Variants in RBM43 observed in about 807,000 individuals in gnomAD.
The protein encoded by RBM43 is RNA-binding protein 43.
A neutral mutation model predicts 12.4 loss-of-function variants in RBM43; 12 were observed. That is an observed-to-expected ratio of 0.97 (90% CI 0.62 to 1.57). RBM43 has a LOEUF of 1.57. Ranked by LOEUF, RBM43 falls within the 40% of genes most tolerant of loss-of-function variation. RBM43 has a pLI of 0.00. For missense variants in RBM43, 348 were observed against 400.1 expected (o/e 0.87, Z 1.11); for synonymous variants, 138 against 145.7 (o/e 0.95, Z 0.38).
chr2:151,259,638 C>CA (rs1309161560), intron 1 of RBM43, among the ~76,000 whole-genome samples: 2 of 148,260 alleles, frequency 1.3e-5, no homozygotes, highest in Admixed American at 6.7e-5. Flanking sequence ...GACTCTGTCT[C>CA]AAAAAAAATA....
In RBM43 at chr2:151,255,710, G is replaced by A; in HGVS notation, c.37C>T (p.Pro13Ser). The change falls in exon 2 of 4, where the codon CCT (proline) becomes TCT (serine). Residue 13 changes from proline (P) to serine (S), a missense_variant. Pro to Ser is a moderately conservative substitution (Grantham distance 74, BLOSUM62 -1). Transcript: ENST00000331426. ...CCAGCAACTACAACCGTTCTTTCAG[G>A]AGCTTTGGATTCCTTGACATTCAAA... The part of the protein sequence containing the change: ...SVLNVKESKA[P>S]ERTVVVAGLP... The A allele has an allele frequency of 6.2e-7, 1 of 1,613,816 alleles. No homozygotes were observed. Among genetic ancestry groups the A allele is most frequent in the East Asian group, 2.2e-5 (1 of 44,854 alleles).
chr2:151,251,707 G>T (rs1421598573), intron 3 of RBM43, 43 bp from the exon 4 acceptor site: 3 of 1,535,076 alleles, frequency 2.0e-6, no homozygotes, highest in Non-Finnish European at 2.6e-6. Flanking sequence ...CTGCCTAGTG[G>T]GAAAGACTAC....
At chr2:151,259,467 GAAACGCCATCTCTACTA>G (rs1374914398) in intron 1 of RBM43, among the ~76,000 whole-genome samples, 1 of 151,990 alleles carries the variant, frequency 6.6e-6, no homozygotes, top group African/African-American at 2.4e-5. Flanking sequence ...CCAACATAGT[GAAACGCCATCTCTACTA>G]AAAATACAAA....
chr2:151,255,203 T>C (rs1295332550), intron 2 of RBM43, among the ~76,000 whole-genome samples: 1 of 152,102 alleles, frequency 6.6e-6, no homozygotes, highest in Non-Finnish European at 1.5e-5. Flanking sequence ...TCACTTGAGG[T>C]CAGGAGTTCG....
intron 1 of RBM43, 46 bp from the exon 2 acceptor site, chr2:151,255,789 T>A: frequency 7.6e-7 from 1 of 1,314,604 alleles, no homozygotes; most frequent in Non-Finnish European, 1.1e-6. Context: ...CAAGACTCTA[T>A]ATAATAAAGA....
intron 1 of RBM43, among the ~76,000 whole-genome samples, chr2:151,259,461 C>T (rs1307784136): frequency 6.6e-6 from 1 of 151,984 alleles, no homozygotes; most frequent in Non-Finnish European, 1.5e-5. Flanking sequence ...GCCTGGCCAA[C>T]ATAGTGAAAC....
Position 151,248,914 on chromosome 2 carries a change from C to T in RBM43, c.*1992G>A, listed in dbSNP as rs190277488. The stretch of plus-strand genomic sequence containing the variant: ...CAAAGAAAGGGAAAAATTCCCTCAT[C>T]CAAGCCTCAAGGTCCAAACCTCGCA... On this transcript the variant is annotated 3_prime_UTR_variant, in exon 4 of 4. Transcript: ENST00000331426. 19 of 152,304 alleles carry T rather than the reference C, an allele frequency of 1.2e-4. No individual in the cohort carries two copies. The highest frequency in any genetic ancestry group is 1.2e-3 in the Admixed American group (18 of 15,300). The allele number at this position is 152,304 out of a possible 1,614,324, so 9.4% of individuals were successfully genotyped here.
rs747184897 is a variant in RBM43 at position 151,261,353 on chromosome 2, T to TA, written c.3+371dup. ...CCCCGAGGCGTGGGAGGACAACAGT[T>TA]AAGCCCTAACAGCCTGCGAAGCAGC... is the stretch of plus-strand genomic sequence containing the variant. On this transcript the variant is annotated intron_variant, in intron 1 of 3. Transcript: ENST00000331426. 4.1e-5 allele frequency: 63 copies of TA among 1,550,602 alleles called. No individual in the cohort carries two copies. The South Asian group carries it at 6.9e-4, about 17-fold the overall frequency.
At chr2:151,255,156 T>G (rs757889802) in intron 2 of RBM43, among the ~76,000 whole-genome samples, 3 of 152,230 alleles carry the variant, frequency 2.0e-5, no homozygotes, top group Admixed American at 6.5e-5. Context: ...GGCTCATGCC[T>G]GTAATCCCAG....
rs1255740651 is a variant in RBM43, at chr2:151,253,436, A to C, written c.215-581T>G. 2.6e-5 allele frequency among the ~76,000 whole-genome samples: 4 copies of C among 152,138 alleles called. No homozygotes were observed. The East Asian group carries it at 5.8e-4, about 22-fold the overall frequency. ...TAGAACTCTCTACCTCATTATCCTA[A>C]TAGGCATCTCATTGACCCAAACTGA... On this transcript the variant is annotated intron_variant, in intron 2 of 3. Transcript: ENST00000331426.
intron 1 of RBM43, among the ~76,000 whole-genome samples, chr2:151,258,554 G>A (rs770703636): frequency 7.9e-5 from 12 of 151,918 alleles, no homozygotes; most frequent in Middle Eastern, 3.4e-3. Context: ...AAAATTAGCC[G>A]GGTGTGGTGG....
rs1005148560 is a variant in RBM43 at position 151,248,742 on chromosome 2, G to C, written c.*2164C>G. The C allele has an allele frequency of 6.6e-6, 1 of 152,128 alleles. No homozygotes were observed. Among genetic ancestry groups the C allele is most frequent in the Non-Finnish European group, 1.5e-5 (1 of 68,030 alleles). 9.4% of individuals were successfully genotyped at this position (152,128 alleles called of 1,614,324 possible). On this transcript the variant is annotated 3_prime_UTR_variant, in exon 4 of 4. Transcript: ENST00000331426. ...ATATTCTGGCATGCCTTTGAACTTT[G>C]AGAGCTCATTTCGTGGGTGCTCTGA...
At position 151,250,038 on chromosome 2, in the gene RBM43, A is replaced by C. The variant is rs1290136872; in HGVS notation, c.*868T>G. The C allele has an allele frequency of 6.6e-6, 1 of 152,226 alleles. No individual in the cohort carries two copies. The highest frequency in any genetic ancestry group is 1.5e-5 in the Non-Finnish European group (1 of 68,046). The allele number at this position is 152,226 out of a possible 1,614,324, so 9.4% of individuals were successfully genotyped here. A position where few individuals can be genotyped will look rare whatever the true frequency, so the allele number is the denominator to read the frequency against. On this transcript the variant is annotated 3_prime_UTR_variant, in exon 4 of 4. Transcript: ENST00000331426. ...CTTAGGCTAAAAAAATAGTAAAAAC[A>C]TCCTATGTGGCCAGCAGCCTTGAAA...
intron 1 of RBM43, chr2:151,261,256 A>T: frequency 6.5e-7 from 1 of 1,545,642 alleles, no homozygotes; most frequent in Non-Finnish European, 8.7e-7. Flanking sequence ...CTTGGCTCGA[A>T]TCGTTCTTAT....
In RBM43 at chr2:151,259,151, GAAGAAAGAAAGGA is replaced by G. The variant is rs1350268490; in HGVS notation, c.3+2561_3+2573del. Among the ~76,000 whole-genome samples, 3 of 142,430 alleles carry G rather than the reference GAAGAAAGAAAGGA, an allele frequency of 2.1e-5. No individual in the cohort carries two copies. In the South Asian group the frequency reaches 6.6e-4, roughly 32 times the overall value. 93.4% of individuals were successfully genotyped at this position (142,430 alleles called of 152,430 possible). On this transcript the variant is annotated intron_variant, in intron 1 of 3. Transcript: ENST00000331426. ...AGACTTCGTCCCCAAAAAAAAAAAG[GAAGAAAGAAAGGA>G]AAGAAAGAAAGAAAATCCATTTGAC...
chr2:151,261,127 G>A (rs2105195054), intron 1 of RBM43: 1 of 1,140,248 alleles, frequency 8.8e-7, no homozygotes, highest in Non-Finnish European at 1.2e-6. Flanking sequence ...CCTTGCCAAG[G>A]CTTTTAAGCG....
rs1309960919 is a variant in RBM43, at chr2:151,248,597, A to G, written c.*2309T>C. On this transcript the variant is annotated 3_prime_UTR_variant, in exon 4 of 4. Coordinates refer to ENST00000331426, the MANE Select transcript of RBM43 (RefSeq NM_198557.3). ...TTTAGCCTCAAGATATCAATGAAAT[A>G]TGCATATCTTATTTGGAGTGTATGA... 6.6e-6 allele frequency: 1 copy of G among 152,168 alleles called. No homozygotes were observed. The allele number at this position is 152,168 out of a possible 1,614,324, so 9.4% of individuals were successfully genotyped here.
intron 1 of RBM43, chr2:151,261,168 A>T: frequency 7.1e-7 from 1 of 1,406,118 alleles, no homozygotes; most frequent in Non-Finnish European, 9.5e-7. Flanking sequence ...ACACAGAAGG[A>T]TAAATTTTGA....
In RBM43 at chr2:151,252,848, C is replaced by G. The variant is rs748773666; in HGVS notation, c.222G>C (p.Glu74Asp). Residue 74 changes from glutamate to aspartate, a missense_variant, in exon 3 of 4, where the codon GAG (glutamate) becomes GAC (aspartate). Physicochemically the swap from Glu to Asp is conservative, Grantham distance 45. Transcript: ENST00000331426. Reference sequence around the variant, plus strand: ...AGTGTTTCTTTTGTCTGATGACATTCTCTGCAACTAAGTGGAAACACTGGC... The same window carrying G: ...AGTGTTTCTTTTGTCTGATGACATTGTCTGCAACTAAGTGGAAACACTGGC... The part of the protein sequence containing the change: ...YVIFKEKKVA[E>D]NVIRQKKHWL... The G allele has an allele frequency of 1.9e-6, 3 of 1,587,366 alleles. No homozygotes were observed. Among genetic ancestry groups the G allele is most frequent in the Non-Finnish European group, 2.6e-6 (3 of 1,157,160 alleles).
Sources: gnomAD v4.1 joint callset for allele counts (sites outside exome capture counted in the v4.1 genomes callset) on GRCh38, gnomAD v4.1.1 for gene constraint, MANE v1.5 for transcripts, NCBI Gene and HGNC (gene_info 2026-07-23, HGNC 2026-07-21) for gene names.